Variants in SYNE2 observed in about 807,000 individuals in gnomAD.
SYNE2 encodes nesprin-2.
In SYNE2, 431 loss-of-function variants were observed where a neutral mutation model predicts 856.3. The observed-to-expected ratio is 0.50, with a 90% CI of 0.47 to 0.55. The LOEUF is 0.55. Ranked by LOEUF, SYNE2 falls within the 20% of genes least tolerant of loss-of-function variation. The pLI, the probability that SYNE2 is intolerant of heterozygous loss-of-function variation, is 0.00. For synonymous variants in SYNE2, 2,923 were observed against 2,872.3 expected, an observed-to-expected ratio of 1.02 and a Z score of -0.56; for missense variants, 8,129 against 8,023.2, an observed-to-expected ratio of 1.01 and a Z score of -0.50.
intron 6 of SYNE2, among the ~76,000 whole-genome samples, chr14:63,947,751 C>T (rs2096058814): frequency 1.3e-5 from 2 of 152,130 alleles, no homozygotes; most frequent in South Asian, 2.1e-4. Flanking sequence ...GCAGGAGAAT[C>T]GCTTGAACCT....
At position 64,126,787 on chromosome 14, in the gene SYNE2, G is replaced by A. The variant is rs751862856; in HGVS notation, c.13897G>A (p.Asp4633Asn). 6.8e-6 allele frequency: 11 copies of A among 1,612,244 alleles called. No homozygotes were observed. The highest frequency in any genetic ancestry group is 1.6e-4 in the Middle Eastern group (1 of 6,084). ...AAGCAAGTCCCTGAAAGCTGGCCTC[G>A]ATTACAACCGCAGTTACCAGGTATG... ...CRSKSLKAGL[D>N]YNRSYQNEIK... The change falls in exon 73 of 116, where the codon GAT becomes AAT. Residue 4633 changes from aspartate to asparagine, a missense_variant. By Grantham distance (23) the Asp-to-Asn change is conservative. Coordinates refer to ENST00000555002, the MANE Select transcript of SYNE2 (RefSeq NM_182914.3).
Position 63,998,952 on chromosome 14 carries a change from A to T in SYNE2, c.3392A>T (p.Gln1131Leu), listed in dbSNP as rs978850890. 6.2e-7 allele frequency: 1 copy of T among 1,614,134 alleles called. No homozygotes were observed. The highest frequency in any genetic ancestry group is 8.5e-7 in the Non-Finnish European group (1 of 1,179,990). Residue 1131 changes from glutamine (Q) to leucine (L), a missense_variant, in exon 27 of 116, where the codon CAA becomes CTA. By Grantham distance (113) the Gln-to-Leu change is moderately radical. Around this residue, in one of 3 missense-constraint regions of SYNE2, gnomAD observed 2,422 missense variants for 2,357.4 expected, o/e 1.03. Coordinates refer to ENST00000555002, the MANE Select transcript of SYNE2 (RefSeq NM_182914.3). ...AGAGATATTCTTGAACACCACCTGC[A>T]AAACAACAAATTCAGGATTACTTCT... is the stretch of plus-strand genomic sequence containing the variant. Reference protein sequence around the residue: ...TYRDILEHHLQNNKFRITSDF... With the variant: ...TYRDILEHHLLNNKFRITSDF...
intron 87 of SYNE2, among the ~76,000 whole-genome samples, chr14:64,161,494 T>C (rs999259040): frequency 6.6e-6 from 1 of 152,232 alleles, no homozygotes; most frequent in Non-Finnish European, 1.5e-5. Flanking sequence ...AGTTAAAACC[T>C]GTTTAAAGAT....
In SYNE2 at chr14:64,049,704, C is replaced by T; in HGVS notation, c.7471C>T (p.Leu2491Phe). Reference sequence around the variant, plus strand: ...CAAAACAGAAACTGGGGCCTTGGTTCTCCACAATATAGGATATTCGGCACA... The same window carrying T: ...CAAAACAGAAACTGGGGCCTTGGTTTTCCACAATATAGGATATTCGGCACA... The part of the protein sequence containing the change: ...LNKTETGALV[L>F]HNIGYSAQHL... Residue 2491 changes from leucine to phenylalanine, a missense_variant, in exon 47 of 116, where the codon CTC becomes TTC. By Grantham distance (22) the Leu-to-Phe change is conservative. Coordinates refer to ENST00000555002, the MANE Select transcript of SYNE2 (RefSeq NM_182914.3). 1 of 1,614,132 alleles carries T rather than the reference C, an allele frequency of 6.2e-7. No homozygotes were observed. Among genetic ancestry groups the T allele is most frequent in the Non-Finnish European group, 8.5e-7 (1 of 1,180,024 alleles).
intron 61 of SYNE2, 145 bp downstream of exon 61, chr14:64,093,625 G>T (rs921595428): frequency 4.5e-6 from 4 of 884,544 alleles, no homozygotes; most frequent in Non-Finnish European, 7.3e-6. Context: ...GTATTTCTGT[G>T]TGTGTTTACT....
intron 1 of SYNE2, among the ~76,000 whole-genome samples, chr14:63,841,816 TTTTC>T (rs1437273786): frequency 2.7e-5 from 4 of 146,508 alleles, no homozygotes; most frequent in Admixed American, 7.3e-5. Context: ...CCATTTTTCT[TTTTC>T]TTTCTTTCTT....
chr14:64,013,647 A>G (rs56780964), intron 32 of SYNE2, among the ~76,000 whole-genome samples: 5,321 of 152,184 alleles, frequency 0.035, 320 homozygotes, highest in African/African-American at 0.12. Flanking sequence ...ACAAACATTT[A>G]TTGTGTTCCA....
At chr14:63,849,910 T>A (rs556727651), upstream of SYNE2, among the ~76,000 whole-genome samples, 1 of 152,286 alleles carries the variant, frequency 6.6e-6, no homozygotes, top group African/African-American at 2.4e-5. Context: ...TGTCACAGTA[T>A]GTTTGTGTAC....
rs768191476 is a variant in SYNE2 at position 64,130,132 on chromosome 14, G to A, written c.14224G>A (p.Ala4742Thr). The change falls in exon 76 of 116, where the codon GCT (alanine) becomes ACT (threonine). Residue 4742 changes from alanine to threonine, a missense_variant. Physicochemically the swap from Ala to Thr is moderately conservative, Grantham distance 58. Coordinates refer to ENST00000555002, the MANE Select transcript of SYNE2 (RefSeq NM_182914.3). ...SPFVTESQQD[A>T]LLQGMVELVK... is the part of the protein sequence containing the mutation. ...TTTCGTCACTGAGAGCCAGCAAGAT[G>A]CTTTGTTGCAAGGCATGGTGGAACT... 6.2e-7 allele frequency: 1 copy of A among 1,614,076 alleles called. No homozygotes were observed.
At chr14:64,073,491 A>G (rs533531569) in intron 52 of SYNE2, among the ~76,000 whole-genome samples, 3 of 152,344 alleles carry the variant, frequency 2.0e-5, no homozygotes, top group Admixed American at 6.5e-5. Context: ...TTATATCACA[A>G]TATCATAGAT....
Position 63,978,873 on chromosome 14 carries a change from A to G in SYNE2, c.1428A>G (p.Lys476=). ...CCAGAATCAACAACATTTTGGAGAA[A>G]AAATTTATTCTACTTCTAGAATTTC... The part of the protein sequence containing the change: ...MKRRINNILE[K]KFILLLEFHY... The change falls in exon 14 of 116, where the codon AAA becomes AAG. Residue 476 remains lysine, a synonymous_variant. Transcript: ENST00000555002. 6.2e-7 allele frequency: 1 copy of G among 1,613,268 alleles called. No homozygotes were observed. The highest frequency in any genetic ancestry group is 8.5e-7 in the Non-Finnish European group (1 of 1,179,536).
Position 64,078,572 on chromosome 14 carries a change from G to A in SYNE2, c.11129G>A (p.Ser3710Asn), listed in dbSNP as rs766722142. The part of the protein sequence containing the change: ...HNVEKMLQQK[S>N]KNIEKAQEIQ... ...GTTGAAAAGATGTTGCAGCAGAAAA[G>A]CAAAAATATTGAGAAAGCTCAAGAA... Residue 3710 changes from serine to asparagine, a missense_variant, in exon 55 of 116, where the codon AGC (serine) becomes AAC (asparagine). By Grantham distance (46) the Ser-to-Asn change is conservative. This residue lies in a region of SYNE2 where 5,410 missense variants were observed against 5,284.8 expected (regional missense o/e 1.02). Coordinates refer to ENST00000555002, the MANE Select transcript of SYNE2 (RefSeq NM_182914.3). The A allele has an allele frequency of 3.1e-6, 5 of 1,613,966 alleles. No individual in the cohort carries two copies. Among genetic ancestry groups the A allele is most frequent in the South Asian group, 1.1e-5 (1 of 91,082 alleles).
intron 11 of SYNE2, among the ~76,000 whole-genome samples, chr14:63,971,987 C>T (rs2096482983): frequency 6.6e-6 from 1 of 152,180 alleles, no homozygotes; most frequent in African/African-American, 2.4e-5. Context: ...TGACCCTTTG[C>T]TTGGCTGTCA....
At chr14:64,128,850 G>A (rs1363854036) in intron 74 of SYNE2, among the ~76,000 whole-genome samples, 1 of 152,180 alleles carries the variant, frequency 6.6e-6, no homozygotes, top group Non-Finnish European at 1.5e-5. Flanking sequence ...GAGCCCTGGG[G>A]ATCCTTTGTC....
intron 1 of SYNE2, among the ~76,000 whole-genome samples, chr14:63,862,181 A>T (rs1893915035): frequency 6.6e-6 from 1 of 152,266 alleles, no homozygotes; most frequent in South Asian, 2.1e-4. Flanking sequence ...TACATTATAG[A>T]TAAAACTTAT....
Position 64,053,144 on chromosome 14 carries a change from G to A in SYNE2, c.9231G>A (p.Pro3077=), listed in dbSNP as rs199659722. Residue 3077 remains proline (P), a synonymous_variant, in exon 48 of 116, where the codon CCG becomes CCA. Transcript: ENST00000555002. ...TACTAAAAGCTCCTGATAGCTCTCC[G>A]GAAAGCAGACGGCTCAATGCCCAAA... ...EVVLKAPDSS[P]ESRRLNAQIL... 186 of 1,614,092 alleles carry A rather than the reference G, an allele frequency of 1.2e-4. 1 individual carries two copies. The highest frequency in any genetic ancestry group is 9.3e-4 in the African/African-American group (70 of 75,046).
chr14:64,079,352 C>T (rs187103707), intron 55 of SYNE2, among the ~76,000 whole-genome samples: 1 of 152,256 alleles, frequency 6.6e-6, no homozygotes, highest in African/African-American at 2.4e-5. Context: ...CTTCTTAATT[C>T]GCAAGTAAAC....
intron 1 of SYNE2, among the ~76,000 whole-genome samples, chr14:63,896,109 C>T (rs2095248683): frequency 6.6e-6 from 1 of 151,586 alleles, no homozygotes. Flanking sequence ...CTGTAGCAGC[C>T]AAAAAAGGGA....
chr14:63,974,962 A>G (rs984723743), intron 11 of SYNE2, among the ~76,000 whole-genome samples: 1 of 140,334 alleles, frequency 7.1e-6, no homozygotes, highest in Non-Finnish European at 1.5e-5. Flanking sequence ...GCTGGAGTAC[A>G]GTGGTGCGAT....
Sources: gnomAD v4.1 joint callset for allele counts (sites outside exome capture counted in the v4.1 genomes callset) on GRCh38, gnomAD v4.1.1 for gene constraint, gnomAD v4.1.1 regional missense constraint, MANE v1.5 for transcripts, NCBI Gene and HGNC (gene_info 2026-07-23, HGNC 2026-07-21) for gene names.